HERC6: variants seen among roughly 807,000 people sequenced by gnomAD.
HERC6 encodes HECT and RLD domain containing E3 ubiquitin protein ligase family member 6.
A neutral mutation model predicts 114.5 loss-of-function variants in HERC6; 101 were observed. The ratio of observed to expected loss-of-function variants is 0.88; its 90% CI spans 0.75 to 1.04. The LOEUF is 1.04. HERC6 is among the 50% of genes least tolerant of loss of function. The probability of loss-of-function intolerance (pLI) is 0.00; values close to 1 mark genes in which losing one functional copy is unlikely to be tolerated. For missense variants in HERC6, 1,133 were observed against 1,230.9 expected, an observed-to-expected ratio of 0.92 and a Z score of 1.19; for synonymous variants, 408 against 436.2, an observed-to-expected ratio of 0.94 and a Z score of 0.81.
intron 17 of HERC6, among the ~76,000 whole-genome samples, chr4:88,433,141 A>T (rs1738411449): frequency 6.6e-6 from 1 of 152,204 alleles, no homozygotes; most frequent in Admixed American, 6.5e-5. Flanking sequence ...AGTAACACAG[A>T]TCATTTAATC....
chr4:88,389,567 A>T (rs1393657609), intron 3 of HERC6, among the ~76,000 whole-genome samples: 1 of 152,042 alleles, frequency 6.6e-6, no homozygotes, highest in Admixed American at 6.6e-5. Context: ...AGAGTTAAGG[A>T]TATCTGTAAG....
intron 8 of HERC6, 143 bp downstream of exon 8, chr4:88,398,352 AT>A (rs527775217): frequency 6.4e-5 from 29 of 454,356 alleles, no homozygotes; most frequent in African/African-American, 3.7e-4. Flanking sequence ...TATGAAAAAA[AT>A]ATTACATAAT....
rs1734871807 is a variant in HERC6 at position 88,390,771 on chromosome 4, G to A, written c.556G>A (p.Val186Met). 1.2e-6 allele frequency: 2 copies of A among 1,614,232 alleles called. No homozygotes were observed. Among genetic ancestry groups the A allele is most frequent in the Non-Finnish European group, 1.7e-6 (2 of 1,180,042 alleles). Reference sequence around the variant, plus strand: ...CCTGGAGGGGATCCCACTGGCTCAGGTGGCTGCCGGAGGGGCTCACAGCTT... The same window carrying A: ...CCTGGAGGGGATCCCACTGGCTCAGATGGCTGCCGGAGGGGCTCACAGCTT... ...RSLEGIPLAQVAAGGAHSFAL... is the reference protein window; with the variant it reads ...RSLEGIPLAQMAAGGAHSFAL... Residue 186 changes from valine (V) to methionine (M), a missense_variant, in exon 4 of 23, where the codon GTG (valine) becomes ATG (methionine). Coordinates refer to ENST00000264346, the MANE Select transcript of HERC6 (RefSeq NM_017912.4).
rs1738820536 is a variant in HERC6 at position 88,436,984 on chromosome 4, G to A, written c.2484+13G>A. On this transcript the variant is annotated intron_variant, in intron 19 of 22. Transcript: ENST00000264346. ...CATACGCTTTTCTGTGAGTACTAAT[G>A]AAAGCCAAATTATAGTTTAGCTTTA... 6.4e-7 allele frequency: 1 copy of A among 1,567,664 alleles called. No individual in the cohort carries two copies.
At chr4:88,419,179 A>G (rs980706676) in intron 13 of HERC6, among the ~76,000 whole-genome samples, 1 of 152,230 alleles carries the variant, frequency 6.6e-6, no homozygotes, top group Non-Finnish European at 1.5e-5. Context: ...CTATATCAGA[A>G]TATTTGCTAA....
At chr4:88,411,656 T>C (rs941785126) in intron 11 of HERC6, among the ~76,000 whole-genome samples, 1 of 152,206 alleles carries the variant, frequency 6.6e-6, no homozygotes. Context: ...GACAAACAAC[T>C]TTGAAATCCC....
At chr4:88,386,836 G>A (rs1477155523) in intron 3 of HERC6, among the ~76,000 whole-genome samples, 1 of 152,192 alleles carries the variant, frequency 6.6e-6, no homozygotes, top group Non-Finnish European at 1.5e-5. Flanking sequence ...GCAGGTAAGA[G>A]AGGGGCAGAA....
At chr4:88,382,474 A>G (rs1734372835) in intron 1 of HERC6, among the ~76,000 whole-genome samples, 1 of 152,174 alleles carries the variant, frequency 6.6e-6, no homozygotes. Context: ...GGAAGACAGA[A>G]TAGCAAAATG....
intron 15 of HERC6, among the ~76,000 whole-genome samples, chr4:88,426,657 G>A (rs1248525108): frequency 6.6e-6 from 1 of 150,892 alleles, no homozygotes; most frequent in East Asian, 1.9e-4. Context: ...TTGTATTTTA[G>A]TAGAGACGGG....
At chr4:88,424,185 G>A (rs1413517498) in intron 14 of HERC6, among the ~76,000 whole-genome samples, 5 of 151,858 alleles carry the variant, frequency 3.3e-5, no homozygotes, top group Admixed American at 6.6e-5. Flanking sequence ...TAAGTAATTC[G>A]GATTCTTACA....
intron 3 of HERC6, 91 bp from the exon 4 acceptor site, chr4:88,390,561 G>C (rs1012893575): frequency 3.4e-6 from 4 of 1,184,236 alleles, no homozygotes; most frequent in African/African-American, 1.5e-5. Context: ...CCTCATTAAA[G>C]CCACAAAAAA....
At chr4:88,380,785 G>A (rs913474867) in intron 1 of HERC6, among the ~76,000 whole-genome samples, 7 of 151,490 alleles carry the variant, frequency 4.6e-5, no homozygotes, top group Non-Finnish European at 8.8e-5. Context: ...ATGGATTATT[G>A]TAGAAATACG....
At chr4:88,437,878 C>G in intron 20 of HERC6, 97 bp downstream of exon 20, 1 of 915,524 alleles carries the variant, frequency 1.1e-6, no homozygotes, top group East Asian at 2.9e-5. Context: ...ATGGTTCACA[C>G]CTGTAATCCC....
chr4:88,440,109 C>T (rs1739196220), intron 21 of HERC6, 39 bp from the exon 22 acceptor site: 1 of 1,601,372 alleles, frequency 6.2e-7, no homozygotes, highest in African/African-American at 1.3e-5. Context: ...CTATATATTC[C>T]ACCCCACTCA....
chr4:88,399,763 TG>T (rs1226394416), intron 8 of HERC6: 2 of 149,480 alleles, frequency 1.3e-5, no homozygotes, highest in Non-Finnish European at 3.0e-5. Flanking sequence ...GGCAACACTT[TG>T]TCTCCAAAAA....
In HERC6 at chr4:88,396,898, T is replaced by C; in HGVS notation, c.935T>C (p.Phe312Ser). 1.2e-6 allele frequency: 2 copies of C among 1,609,808 alleles called. No homozygotes were observed. Among genetic ancestry groups the C allele is most frequent in the Non-Finnish European group, 8.5e-7 (1 of 1,177,278 alleles). Residue 312 changes from phenylalanine to serine, a missense_variant, in exon 7 of 23, where the codon TTT becomes TCT. Transcript: ENST00000264346. ...YVHTTGQVVSFGHGPSDTSKP... is the reference protein window; with the variant it reads ...YVHTTGQVVSSGHGPSDTSKP... ...CACACCACTGGTCAGGTGGTATCTTTTGGTCATGGACCAAGTGACACAAGC... is the reference window on the plus strand; with the variant it reads ...CACACCACTGGTCAGGTGGTATCTTCTGGTCATGGACCAAGTGACACAAGC...
intron 1 of HERC6, 178 bp from the exon 2 acceptor site, chr4:88,383,043 A>G (rs1734396505): frequency 4.3e-6 from 3 of 691,450 alleles, no homozygotes; most frequent in Non-Finnish European, 7.0e-6. Flanking sequence ...GGTAACATAC[A>G]TTGAATTTAC....
intron 8 of HERC6, 76 bp from the exon 9 acceptor site, chr4:88,404,800 C>T (rs985957655): frequency 2.3e-5 from 35 of 1,552,582 alleles, no homozygotes; most frequent in Non-Finnish European, 3.0e-5. Flanking sequence ...ACCACCCATG[C>T]CAGGTGATTT....
At chr4:88,438,969 G>A (rs1172097534) in intron 20 of HERC6, among the ~76,000 whole-genome samples, 2 of 152,168 alleles carry the variant, frequency 1.3e-5, no homozygotes, top group East Asian at 1.9e-4. Context: ...CCTGCCATCA[G>A]GAAATTAATC....
Sources: allele counts gnomAD v4.1 joint callset (sites outside exome capture counted in the v4.1 genomes callset), GRCh38; gene constraint gnomAD v4.1.1; transcripts MANE v1.5; gene names NCBI Gene and HGNC (gene_info 2026-07-23, HGNC 2026-07-21).